ABL2: variants seen among roughly 807,000 people sequenced by gnomAD.
ABL2 encodes ABL proto-oncogene 2, non-receptor tyrosine kinase.
Under a neutral mutation model 107.7 loss-of-function variants are expected in ABL2, and 49 were observed. That is an observed-to-expected ratio of 0.45 (90% CI 0.36 to 0.58). The LOEUF is 0.58. Among genes scored for constraint, ABL2 ranks in the 20% least tolerant of loss-of-function variants. The pLI, the probability that ABL2 is intolerant of heterozygous loss-of-function variation, is 0.00. For missense variants in ABL2, 1,245 were observed against 1,457.0 expected, an observed-to-expected ratio of 0.85 and a Z score of 2.37; for synonymous variants, 549 against 548.6, an observed-to-expected ratio of 1.00 and a Z score of -0.01.
In ABL2 at chr1:179,126,508, G is replaced by A. The variant is rs765562592; in HGVS notation, c.556C>T (p.Leu186=). 3.7e-6 allele frequency: 6 copies of A among 1,614,048 alleles called. No homozygotes were observed. The Admixed American group carries it at 6.7e-5, about 18-fold the overall frequency. Residue 186 remains leucine, a synonymous_variant, in exon 4 of 12, where the codon CTG becomes TTG. Transcript: ENST00000502732. This position sits in a 1 kb window ranked among gnomAD's most constrained non-coding sequence, Gnocchi z 4.4. ...GPVSRSAAEY[L]LSSLINGSFL... The stretch of plus-strand genomic sequence containing the variant: ...CTGCCATTGATTAGACTGCTGAGCA[G>A]ATACTCAGCTGCACTGCGTGACACA...
At chr1:179,192,484 A>G (rs1661078782) in intron 1 of ABL2, among the ~76,000 whole-genome samples, 1 of 152,232 alleles carries the variant, frequency 6.6e-6, no homozygotes. Context: ...ACAAATAAAT[A>G]TCCTTGTTCT....
chr1:179,170,984 G>C (rs1021852813), intron 1 of ABL2, among the ~76,000 whole-genome samples: 1 of 152,162 alleles, frequency 6.6e-6, no homozygotes, highest in East Asian at 1.9e-4. Context: ...GATTACAGGC[G>C]TGAGCCACCT....
rs966544518 is a variant in ABL2, at chr1:179,105,219, G to A, written c.*2499C>T. ...CCCACCCCCTACCCTTCAGATTGTT[G>A]TTGGGCAAGAAAACCAGGGAGCCTA... On this transcript the variant is annotated 3_prime_UTR_variant, in exon 12 of 12. Coordinates refer to ENST00000502732, the MANE Select transcript of ABL2 (RefSeq NM_007314.4). 12 of 230,866 alleles carry A rather than the reference G, an allele frequency of 5.2e-5. No individual in the cohort carries two copies. The highest frequency in any genetic ancestry group is 7.7e-5 in the Non-Finnish European group (9 of 116,770). The allele number at this position is 230,866 out of a possible 1,614,324, so 14.3% of individuals were successfully genotyped here.
At chr1:179,176,644 A>G (rs111464111) in intron 1 of ABL2, among the ~76,000 whole-genome samples, 58 of 149,884 alleles carry the variant, frequency 3.9e-4, no homozygotes, top group African/African-American at 1.3e-3. Flanking sequence ...AAGAAAACAA[A>G]AATAATATGG....
At chr1:179,160,558 G>A (rs1035073988) in intron 1 of ABL2, among the ~76,000 whole-genome samples, 1 of 151,862 alleles carries the variant, frequency 6.6e-6, no homozygotes, top group Non-Finnish European at 1.5e-5. Flanking sequence ...TAAATAACTT[G>A]TCCAAGATTA....
chr1:179,208,530 A>G (rs965189287), intron 1 of ABL2, among the ~76,000 whole-genome samples: 9 of 152,136 alleles, frequency 5.9e-5, no homozygotes, highest in African/African-American at 2.2e-4. Flanking sequence ...TTCTCTTATC[A>G]TATTATCATG....
chr1:179,226,043 C>CAA lies in ABL2; in HGVS notation c.157+3196_157+3197dup, dbSNP rs1194438803. ...TGGGCGACAGAGTGAGACTCCGCCT[C>CAA]AAAAAAAAAAAAAAAAAAAAAAAAA... On this transcript the variant is annotated intron_variant, in intron 1 of 11. Transcript: ENST00000502732. 3.6e-3 allele frequency among the ~76,000 whole-genome samples: 166 copies of CAA among 45,684 alleles called. 16 individuals carry two copies. The highest frequency in any genetic ancestry group is 0.012 in the African/African-American group (139 of 11,184). 30.0% of individuals were successfully genotyped at this position (45,684 alleles called of 152,430 possible).
intron 1 of ABL2, among the ~76,000 whole-genome samples, chr1:179,162,650 G>T (rs1276740476): frequency 6.6e-6 from 1 of 152,150 alleles, no homozygotes; most frequent in Non-Finnish European, 1.5e-5. Context: ...ATGTATCTCA[G>T]ATTTCTTTTC....
chr1:179,184,467 G>A, intron 1 of ABL2: 1 of 919,198 alleles, frequency 1.1e-6, no homozygotes, highest in South Asian at 1.4e-5. Flanking sequence ...CCATTCTGAT[G>A]CAGGTGCTCA....
intron 4 of ABL2, among the ~76,000 whole-genome samples, chr1:179,125,390 A>C (rs1381317619): frequency 6.6e-6 from 1 of 152,196 alleles, no homozygotes; most frequent in Non-Finnish European, 1.5e-5. Flanking sequence ...GGGTGTTTCT[A>C]GTTTTTGGCT....
chr1:179,178,441 T>C (rs1660178607), intron 1 of ABL2, among the ~76,000 whole-genome samples: 1 of 149,084 alleles, frequency 6.7e-6, no homozygotes, highest in Non-Finnish European at 1.5e-5. Flanking sequence ...AAGAAATCTT[T>C]AGAGTATGCA....
intron 1 of ABL2, among the ~76,000 whole-genome samples, chr1:179,187,060 T>G (rs1222733179): frequency 1.3e-5 from 2 of 152,174 alleles, no homozygotes; most frequent in African/African-American, 4.8e-5. Flanking sequence ...TACTTTTCAG[T>G]GTCCACCTTG....
At chr1:179,229,103 G>C in intron 1 of ABL2, 138 bp downstream of exon 1, 1 of 1,124,858 alleles carries the variant, frequency 8.9e-7, no homozygotes, top group Non-Finnish European at 1.2e-6. Context: ...GACTGGACCA[G>C]ATGGCAGCGG....
intron 1 of ABL2, among the ~76,000 whole-genome samples, chr1:179,174,224 G>A (rs758647590): frequency 2.0e-5 from 3 of 151,828 alleles, no homozygotes; most frequent in Non-Finnish European, 4.4e-5. Context: ...AGAGGTGGAG[G>A]CTGCAGTGAG....
chr1:179,117,120 C>CA, intron 8 of ABL2: 1 of 573,944 alleles, frequency 1.7e-6, no homozygotes, highest in Non-Finnish European at 3.0e-6. Context: ...CAAACGTGAG[C>CA]CACCACACCA....
chr1:179,179,852 G>A (rs935991768), intron 1 of ABL2, among the ~76,000 whole-genome samples: 1 of 151,904 alleles, frequency 6.6e-6, no homozygotes, highest in Non-Finnish European at 1.5e-5. Flanking sequence ...TGTAATCCCA[G>A]GACTTTGGAA....
rs546029057 is a variant in ABL2 at position 179,103,407 on chromosome 1, G to A, written c.*4311C>T. Reference sequence around the variant, plus strand: ...ACAACCTTATAGTTATATTACAGTTGATATTTTCTCAAAGTGCTGTCATAT... The same window carrying A: ...ACAACCTTATAGTTATATTACAGTTAATATTTTCTCAAAGTGCTGTCATAT... On this transcript the variant is annotated 3_prime_UTR_variant, in exon 12 of 12. Coordinates refer to ENST00000502732, the MANE Select transcript of ABL2 (RefSeq NM_007314.4). 118 of 203,010 alleles carry A rather than the reference G, an allele frequency of 5.8e-4. No individual in the cohort carries two copies. The highest frequency in any genetic ancestry group is 9.0e-4 in the Non-Finnish European group (89 of 99,134). 12.6% of individuals were successfully genotyped at this position (203,010 alleles called of 1,614,324 possible).
Position 179,112,355 on chromosome 1 carries a change from T to C in ABL2, c.1605A>G (p.Thr535=), listed in dbSNP as rs1385413072. The change falls in exon 10 of 12, where the codon ACA becomes ACG. Residue 535 remains threonine, a synonymous_variant. Transcript: ENST00000502732. ...SPADRPSFAE[T]HQAFETMFHD... ...GGAACATGGTTTCAAAAGCTTGGTG[T>C]GTTTCAGCAAAAGAGGGCCTATCGG... 4.3e-6 allele frequency: 7 copies of C among 1,613,856 alleles called. No homozygotes were observed. Among genetic ancestry groups the C allele is most frequent in the African/African-American group, 1.3e-5 (1 of 74,910 alleles).
chr1:179,184,306 T>C, intron 1 of ABL2: 1 of 536,072 alleles, frequency 1.9e-6, no homozygotes, highest in South Asian at 2.4e-5. Flanking sequence ...GAATTTCATT[T>C]GAATGAGAGT....
Sources: gnomAD v4.1 joint callset for allele counts (sites outside exome capture counted in the v4.1 genomes callset) on GRCh38, gnomAD v4.1.1 for gene constraint, Gnocchi (gnomAD v3.1) non-coding constraint, MANE v1.5 for transcripts, NCBI Gene and HGNC (gene_info 2026-07-23, HGNC 2026-07-21) for gene names.